The following ROR2 variants were observed in gnomAD, a reference collection of about 807,000 sequenced individuals.
ROR2 encodes tyrosine-protein kinase transmembrane receptor ROR2.
In ROR2, 33 loss-of-function variants were observed where a neutral mutation model predicts 74.9. The ratio of observed to expected loss-of-function variants is 0.44; its 90% confidence interval spans 0.33 to 0.59. The LOEUF is 0.59. ROR2 is among the 20% of genes least tolerant of loss of function. The pLI, the probability that ROR2 is intolerant of heterozygous loss-of-function variation, is 0.02. For missense variants in ROR2, 1,216 were observed against 1,313.8 expected (o/e 0.93, Z 1.15); for synonymous variants, 586 against 558.7 (o/e 1.05, Z -0.69).
rs1208388122 is a variant in ROR2 at position 91,731,072 on chromosome 9, C to T, written c.1021G>A (p.Ala341Thr). Residue 341 changes from alanine to threonine, a missense_variant, in exon 7 of 9, where the codon GCC (alanine) becomes ACC (threonine). Coordinates refer to ENST00000375708, the MANE Select transcript of ROR2 (RefSeq NM_004560.4). ...TGGTGGCTGTGGGGGTGCTGCAGGG[C>T]CCACGGCTGGCACTGGTGGCCTGAC... The part of the protein sequence containing the change: ...TKSGHQCQPW[A>T]LQHPHSHHLS... 1 of 1,614,066 alleles carries T rather than the reference C, an allele frequency of 6.2e-7. No individual in the cohort carries two copies. The highest frequency in any genetic ancestry group is 8.5e-7 in the Non-Finnish European group (1 of 1,180,024).
rs550174126 is a variant in ROR2 at position 91,857,958 on chromosome 9, G to A, written c.98-82140C>T. ...AAGGGGTTAACTTGGAGAAGGAGGG[G>A]GAGAGGGTGGAAACGACGACCACAG... On this transcript the variant is annotated intron_variant, in intron 1 of 8. Coordinates refer to ENST00000375708, the MANE Select transcript of ROR2 (RefSeq NM_004560.4). Among the ~76,000 whole-genome samples the A allele has an allele frequency of 3.9e-5, 6 of 152,318 alleles. No homozygotes were observed. The East Asian group carries it at 9.6e-4, about 24-fold the overall frequency.
intron 1 of ROR2, among the ~76,000 whole-genome samples, chr9:91,842,957 C>T (rs1006243200): frequency 3.3e-5 from 5 of 152,254 alleles, no homozygotes; most frequent in African/African-American, 1.2e-4. Context: ...TGCCTAAACA[C>T]CCTTGCACGT....
chr9:91,806,160 C>T (rs1439003216), intron 1 of ROR2, among the ~76,000 whole-genome samples: 1 of 152,190 alleles, frequency 6.6e-6, no homozygotes, highest in Non-Finnish European at 1.5e-5. Flanking sequence ...TCTCTCAGTG[C>T]ACCTGAGCCA....
chr9:91,767,769 G>A (rs947911542), intron 2 of ROR2, among the ~76,000 whole-genome samples: 12 of 152,214 alleles, frequency 7.9e-5, no homozygotes, highest in African/African-American at 2.4e-4. Flanking sequence ...CAGATAAAAC[G>A]GGGAAAACTA....
At chr9:91,885,262 AG>A (rs1348301454) in intron 1 of ROR2, among the ~76,000 whole-genome samples, 1 of 151,316 alleles carries the variant, frequency 6.6e-6, no homozygotes, top group Non-Finnish European at 1.5e-5. Flanking sequence ...CAAAGAGCAA[AG>A]GGCACCGGAA....
chr9:91,948,763 A>G (rs1832080757), intron 1 of ROR2: 1 of 985,342 alleles, frequency 1.0e-6, no homozygotes, highest in South Asian at 4.7e-5. Context: ...TTTACTAGTA[A>G]GAAGTGTCTC....
chr9:91,836,292 C>A (rs1220031615), intron 1 of ROR2, among the ~76,000 whole-genome samples: 1 of 152,190 alleles, frequency 6.6e-6, no homozygotes, highest in Non-Finnish European at 1.5e-5. Context: ...GTAATCCCAG[C>A]ACTTTGGGAG....
At chr9:91,920,536 T>C (rs1048558165) in intron 1 of ROR2, among the ~76,000 whole-genome samples, 2 of 152,124 alleles carry the variant, frequency 1.3e-5, no homozygotes, top group South Asian at 2.1e-4. Flanking sequence ...CACAATGCTT[T>C]ACCCTGCCCA....
At chr9:91,814,557 C>T (rs923299567) in intron 1 of ROR2, among the ~76,000 whole-genome samples, 19 of 152,172 alleles carry the variant, frequency 1.2e-4, no homozygotes, top group African/African-American at 3.9e-4. Context: ...ATAAGCGATA[C>T]CATTAAAGCA....
At chr9:91,920,122 G>T (rs978666598) in intron 1 of ROR2, among the ~76,000 whole-genome samples, 2 of 152,004 alleles carry the variant, frequency 1.3e-5, no homozygotes, top group African/African-American at 2.4e-5. Flanking sequence ...AATTATAAAA[G>T]AATCAAAACC....
At chr9:91,828,635 A>C (rs992790287) in intron 1 of ROR2, among the ~76,000 whole-genome samples, 2 of 152,070 alleles carry the variant, frequency 1.3e-5, no homozygotes, top group African/African-American at 4.8e-5. Context: ...AATCACTTGA[A>C]CCCGGGAGGA....
At chr9:91,942,151 T>A (rs370607264) in intron 1 of ROR2, among the ~76,000 whole-genome samples, 3 of 152,182 alleles carry the variant, frequency 2.0e-5, no homozygotes, top group African/African-American at 7.2e-5. Flanking sequence ...CCTCGACAAT[T>A]TTTGCTACAG....
At chr9:91,758,139 G>A (rs1180284523) in intron 2 of ROR2, among the ~76,000 whole-genome samples, 3 of 152,250 alleles carry the variant, frequency 2.0e-5, no homozygotes, top group Non-Finnish European at 2.9e-5. Context: ...AAACCAGGGA[G>A]CAGACCATCG....
chr9:91,949,855 G>A lies in ROR2; in HGVS notation c.97+12C>T, dbSNP rs1313975575. On this transcript the variant is annotated intron_variant, in intron 1 of 8. Coordinates refer to ENST00000375708, the MANE Select transcript of ROR2 (RefSeq NM_004560.4). ...CTACCGTCTGCGCACAAGCCGGAAC[G>A]CCAGATCCTACCTGAAGTCCGGGAC... 1.3e-6 allele frequency: 2 copies of A among 1,509,338 alleles called. No individual in the cohort carries two copies. Among genetic ancestry groups the A allele is most frequent in the East Asian group, 2.5e-5 (1 of 40,534 alleles). The allele number at this position is 1,509,338 out of a possible 1,614,324, so 93.5% of individuals were successfully genotyped here.
chr9:91,770,049 C>T lies in ROR2; in HGVS notation c.175+5692G>A, dbSNP rs572990072. ...AGTTCCATGTGCATTTCTGCTGCAC[C>T]GTACTCTTCACGTTATTTTCTCTTT... On this transcript the variant is annotated intron_variant, in intron 2 of 8. Coordinates refer to ENST00000375708, the MANE Select transcript of ROR2 (RefSeq NM_004560.4). Among the ~76,000 whole-genome samples, 7 of 152,332 alleles carry T rather than the reference C, an allele frequency of 4.6e-5. No individual in the cohort carries two copies. In the South Asian group the frequency reaches 1.0e-3, roughly 23 times the overall value.
intron 1 of ROR2, among the ~76,000 whole-genome samples, chr9:91,915,510 G>T (rs999550139): frequency 6.6e-6 from 1 of 152,292 alleles, no homozygotes; most frequent in African/African-American, 2.4e-5. Flanking sequence ...ATGAAGCAGT[G>T]AGTGTTACAG....
At chr9:91,820,355 C>G (rs1301730399) in intron 1 of ROR2, among the ~76,000 whole-genome samples, 2 of 152,124 alleles carry the variant, frequency 1.3e-5, no homozygotes, top group Admixed American at 6.5e-5. Flanking sequence ...AAGATGGACA[C>G]CAGGGCCCCA....
intron 4 of ROR2, among the ~76,000 whole-genome samples, chr9:91,748,887 C>A (rs1180993119): frequency 6.6e-6 from 1 of 152,062 alleles, no homozygotes; most frequent in African/African-American, 2.4e-5. Flanking sequence ...ATTAGCCGGG[C>A]GTGGTGGCAG....
chr9:91,859,942 CA>C (rs1829419957), intron 1 of ROR2, among the ~76,000 whole-genome samples: 1 of 152,220 alleles, frequency 6.6e-6, no homozygotes, highest in African/African-American at 2.4e-5. Context: ...CCGTTGAGCC[CA>C]CACTGGAGAT....
Sources: allele counts gnomAD v4.1 joint callset (sites outside exome capture counted in the v4.1 genomes callset), GRCh38; gene constraint gnomAD v4.1.1; transcripts MANE v1.5; gene names NCBI Gene and HGNC (gene_info 2026-07-23, HGNC 2026-07-21).